Variants in DLG2 observed in about 807,000 individuals in gnomAD.
DLG2 encodes discs large MAGUK scaffold protein 2.
A neutral mutation model predicts 132.5 loss-of-function variants in DLG2; 45 were observed. The observed-to-expected ratio is 0.34, with a 90% CI of 0.27 to 0.44. DLG2 has a LOEUF of 0.44. DLG2 is among the 20% of genes least tolerant of loss of function. The pLI is 1.00. For missense variants in DLG2, 1,045 were observed against 1,196.9 expected, an observed-to-expected ratio of 0.87 and a Z score of 1.87; for synonymous variants, 424 against 419.6, an observed-to-expected ratio of 1.01 and a Z score of -0.13.
At chr11:85,451,327 ATT>A (rs1180514444) in intron 3 of DLG2, among the ~76,000 whole-genome samples, 1 of 152,146 alleles carries the variant, frequency 6.6e-6, no homozygotes, top group Non-Finnish European at 1.5e-5. Flanking sequence ...AGTCACCAAC[ATT>A]TCTTACCCAC....
intron 6 of DLG2, among the ~76,000 whole-genome samples, chr11:85,068,066 A>G (rs2065203553): frequency 6.6e-6 from 1 of 152,132 alleles, no homozygotes; most frequent in Non-Finnish European, 1.5e-5. Flanking sequence ...GATTATCTCA[A>G]TAGATGCAGA....
At chr11:84,631,872 A>C (rs1178990050) in intron 6 of DLG2, among the ~76,000 whole-genome samples, 1 of 152,162 alleles carries the variant, frequency 6.6e-6, no homozygotes, top group African/African-American at 2.4e-5. Context: ...AACTTTGGAC[A>C]AGTTGTTTAA....
intron 6 of DLG2, among the ~76,000 whole-genome samples, chr11:84,873,767 G>T (rs887212830): frequency 6.6e-6 from 1 of 152,088 alleles, no homozygotes; most frequent in African/African-American, 2.4e-5. Flanking sequence ...CTGCCTTTAG[G>T]CTCTTTAACC....
intron 21 of DLG2, among the ~76,000 whole-genome samples, chr11:83,517,206 G>A (rs1315375520): frequency 1.3e-5 from 2 of 152,124 alleles, no homozygotes; most frequent in African/African-American, 4.8e-5. Context: ...CATATTTCTT[G>A]GAGGCTTTGT....
Position 85,020,752 on chromosome 11 carries a change from G to C in DLG2, c.357+90909C>G, listed in dbSNP as rs544144461. The C allele has an allele frequency of 1.1e-5, 7 of 666,400 alleles. No homozygotes were observed. The African/African-American group carries it at 1.2e-4, about 12-fold the overall frequency. The allele number at this position is 666,400 out of a possible 1,614,324, so 41.3% of individuals were successfully genotyped here. ...AAGCTGAAACTGGATAATGGGATAA[G>C]ATTTCTAAACCCTGCTATGTGCTTC... On this transcript the variant is annotated intron_variant, in intron 6 of 27. Coordinates refer to ENST00000376104, the MANE Select transcript of DLG2 (RefSeq NM_001142699.3).
chr11:85,149,437 T>C (rs2077081023), intron 5 of DLG2, among the ~76,000 whole-genome samples: 1 of 152,154 alleles, frequency 6.6e-6, no homozygotes, highest in Admixed American at 6.5e-5. Context: ...GAATATTCTA[T>C]TGACCAAGTG....
At chr11:84,383,932 C>T (rs2098758232) in intron 7 of DLG2, among the ~76,000 whole-genome samples, 1 of 151,736 alleles carries the variant, frequency 6.6e-6, no homozygotes, top group Non-Finnish European at 1.5e-5. Flanking sequence ...CATTAACAGC[C>T]CAAGATGCTT....
At chr11:84,341,671 C>G (rs1305863340) in intron 7 of DLG2, among the ~76,000 whole-genome samples, 1 of 152,202 alleles carries the variant, frequency 6.6e-6, no homozygotes, top group Non-Finnish European at 1.5e-5. Context: ...GGCTTCTCAG[C>G]CCTAGATAAA....
At chr11:83,936,753 A>T (rs2081534953) in intron 14 of DLG2, among the ~76,000 whole-genome samples, 2 of 152,170 alleles carry the variant, frequency 1.3e-5, no homozygotes, top group Admixed American at 6.5e-5. Flanking sequence ...AGTGGGTTGT[A>T]AATGGGTTAT....
chr11:84,572,940 T>C (rs1363606257), intron 6 of DLG2, among the ~76,000 whole-genome samples: 3 of 152,184 alleles, frequency 2.0e-5, no homozygotes, highest in Admixed American at 6.6e-5. Flanking sequence ...CTGCTTTCCA[T>C]GTCATAATTA....
intron 11 of DLG2, among the ~76,000 whole-genome samples, chr11:84,041,284 G>C (rs1277791965): frequency 6.6e-6 from 1 of 151,906 alleles, no homozygotes; most frequent in Non-Finnish European, 1.5e-5. Flanking sequence ...TCATAGGCAG[G>C]TACATATATA....
Position 84,671,964 on chromosome 11 carries a change from G to C in DLG2, c.358-137233C>G, listed in dbSNP as rs1419353632. 4.6e-5 allele frequency among the ~76,000 whole-genome samples: 7 copies of C among 152,254 alleles called. No homozygotes were observed. The East Asian group carries it at 1.4e-3, about 30-fold the overall frequency. ...GCAAGCTTCAGAGGCAGAGACTTAAGACTATATAAGTATCTAGCTCTGTGA... is the reference window on the plus strand; with the variant it reads ...GCAAGCTTCAGAGGCAGAGACTTAACACTATATAAGTATCTAGCTCTGTGA... On this transcript the variant is annotated intron_variant, in intron 6 of 27. Coordinates refer to ENST00000376104, the MANE Select transcript of DLG2 (RefSeq NM_001142699.3).
chr11:84,393,823 ACTT>A (rs1031452342), intron 7 of DLG2, among the ~76,000 whole-genome samples: 9 of 152,126 alleles, frequency 5.9e-5, no homozygotes, highest in South Asian at 2.1e-4. Context: ...TTACTCTCCT[ACTT>A]CTTATTAATG....
intron 9 of DLG2, among the ~76,000 whole-genome samples, chr11:84,102,575 G>C (rs2092620088): frequency 6.6e-6 from 1 of 152,122 alleles, no homozygotes; most frequent in Admixed American, 6.6e-5. Context: ...GTTCAGATTG[G>C]AGATGCACTA....
chr11:84,682,956 G>C (rs1228430226), intron 6 of DLG2, among the ~76,000 whole-genome samples: 1 of 152,108 alleles, frequency 6.6e-6, no homozygotes, highest in African/African-American at 2.4e-5. Context: ...AAATTTCTCA[G>C]CCTCAGTTTT....
intron 8 of DLG2, among the ~76,000 whole-genome samples, chr11:84,184,610 AT>A (rs931758764): frequency 3.3e-4 from 50 of 152,238 alleles, no homozygotes; most frequent in African/African-American, 1.1e-3. Flanking sequence ...TTTTGTTGCC[AT>A]TGCTTTTGGT....
intron 11 of DLG2, among the ~76,000 whole-genome samples, chr11:84,043,802 A>T (rs1289160933): frequency 6.6e-6 from 1 of 151,636 alleles, no homozygotes; most frequent in African/African-American, 2.4e-5. Context: ...TAACATATTC[A>T]TAAGTTCTGT....
chr11:85,239,095 T>C (rs1233647296), intron 4 of DLG2, among the ~76,000 whole-genome samples: 1 of 152,090 alleles, frequency 6.6e-6, no homozygotes, highest in African/African-American at 2.4e-5. Flanking sequence ...CTTTGAGTGA[T>C]CGCTTTTTGC....
At chr11:84,972,876 G>A (rs1278096724) in intron 6 of DLG2, among the ~76,000 whole-genome samples, 1 of 151,902 alleles carries the variant, frequency 6.6e-6, no homozygotes, top group African/African-American at 2.4e-5. Flanking sequence ...AGACTGCCTG[G>A]GTTCAATTTT....
Sources: allele counts gnomAD v4.1 joint callset (sites outside exome capture counted in the v4.1 genomes callset), GRCh38; gene constraint gnomAD v4.1.1; transcripts MANE v1.5; gene names NCBI Gene and HGNC (gene_info 2026-07-23, HGNC 2026-07-21).